The following THTPA variants were observed in gnomAD, a reference collection of about 807,000 sequenced individuals.
The protein encoded by THTPA is thiamine-triphosphatase.
THTPA carries 16 observed loss-of-function variants against 16.5 expected under a neutral mutation model. The observed-to-expected ratio is 0.97, with a 90% CI of 0.66 to 1.47. THTPA has a LOEUF of 1.47. THTPA is among the 40% of genes most tolerant of loss of function. The pLI, the probability that THTPA is intolerant of heterozygous loss-of-function variation, is 0.00. For missense variants in THTPA, 281 were observed against 280.9 expected, an observed-to-expected ratio of 1.00 and a Z score of 0.00; for synonymous variants, 110 against 115.5, an observed-to-expected ratio of 0.95 and a Z score of 0.30.
the THTPA span, among the ~76,000 whole-genome samples, chr14:23,517,781 G>C: frequency 6.6e-6 from 1 of 151,958 alleles, no homozygotes; most frequent in African/African-American, 2.4e-5. Context: ...CCATCCCCCT[G>C]TCCCCTCTTG....
the THTPA span, among the ~76,000 whole-genome samples, chr14:23,549,097 T>C: frequency 1.3e-5 from 2 of 152,198 alleles, no homozygotes; most frequent in Non-Finnish European, 2.9e-5. Context: ...AATTTCATAG[T>C]GCTTTTTCTG....
chr14:23,518,845 C>T, the THTPA span, among the ~76,000 whole-genome samples: 7 of 152,218 alleles, frequency 4.6e-5, no homozygotes, highest in Non-Finnish European at 7.3e-5. This position sits in a 1 kb window ranked among gnomAD's most constrained non-coding sequence, Gnocchi z 4.5. Context: ...ATTGTGCTGA[C>T]TCAGCCTTCT....
At chr14:23,528,258 A>T in the THTPA span, among the ~76,000 whole-genome samples, 1 of 152,188 alleles carries the variant, frequency 6.6e-6, no homozygotes, top group African/African-American at 2.4e-5. Flanking sequence ...GCATTATAGC[A>T]GACCCAGCCT....
the THTPA span, chr14:23,533,675 C>G: frequency 6.5e-6 from 10 of 1,538,154 alleles, no homozygotes; most frequent in Non-Finnish European, 7.0e-6. This position sits in a 1 kb window ranked among gnomAD's most constrained non-coding sequence, Gnocchi z 4.8. Context: ...AGTGATGCCT[C>G]TGGTGGACTT....
the THTPA span, chr14:23,528,742 C>A: frequency 2.0e-6 from 2 of 985,450 alleles, no homozygotes; most frequent in Non-Finnish European, 2.4e-6. Flanking sequence ...CACAGCTCCC[C>A]CAGTGGCCCA....
At chr14:23,553,004 G>A (rs897409915), upstream of THTPA, among the ~76,000 whole-genome samples, 14 of 152,174 alleles carry the variant, frequency 9.2e-5, no homozygotes, top group African/African-American at 3.4e-4. Context: ...CCTCAAGCAT[G>A]AGGTAGATGC....
At chr14:23,532,561 C>G in the THTPA span, 1 of 1,437,076 alleles carries the variant, frequency 7.0e-7, no homozygotes, top group Non-Finnish European at 9.1e-7. Flanking sequence ...CCTGACCCAG[C>G]CTCACCTTAT....
At chr14:23,540,191 A>G in the THTPA span, among the ~76,000 whole-genome samples, 1 of 152,058 alleles carries the variant, frequency 6.6e-6, no homozygotes, top group Non-Finnish European at 1.5e-5. Flanking sequence ...AGGTTTCGCC[A>G]TGTTGCCCAG....
At chr14:23,520,603 CAG>C in the THTPA span, among the ~76,000 whole-genome samples, 1 of 152,188 alleles carries the variant, frequency 6.6e-6, no homozygotes, top group Non-Finnish European at 1.5e-5. This position sits in a 1 kb window ranked among gnomAD's most constrained non-coding sequence, Gnocchi z 8.7. Context: ...ATACCCAACT[CAG>C]GGAGCGGGGA....
At chr14:23,532,571 T>C in the THTPA span, 5 of 1,440,508 alleles carry the variant, frequency 3.5e-6, no homozygotes, top group South Asian at 5.9e-5. Flanking sequence ...CCTCACCTTA[T>C]AGATTTGGCT....
At chr14:23,519,787 G>A in the THTPA span, among the ~76,000 whole-genome samples, 1 of 152,158 alleles carries the variant, frequency 6.6e-6, no homozygotes, top group Admixed American at 6.5e-5. Context: ...GTATTAACAT[G>A]TTCACAGAGT....
chr14:23,531,681 A>T, the THTPA span: 5 of 1,414,692 alleles, frequency 3.5e-6, no homozygotes, highest in Admixed American at 5.1e-5. Flanking sequence ...GTATAGCCCC[A>T]GCTCTGCCCC....
chr14:23,556,558 A>T lies in THTPA; in HGVS notation c.-200A>T. The T allele has an allele frequency of 3.3e-6, 2 of 609,380 alleles. No individual in the cohort carries two copies. Among genetic ancestry groups the T allele is most frequent in the Non-Finnish European group, 5.7e-6 (2 of 351,140 alleles). The allele number at this position is 609,380 out of a possible 1,614,324, so 37.7% of individuals were successfully genotyped here. A position where few individuals can be genotyped will look rare whatever the true frequency, so the allele number is the denominator to read the frequency against. ...GGAGACCTGTCACTGTCAGAGCCTT[A>T]AAATATCACCGACGGGGCCTTAATG... On this transcript the variant is annotated 5_prime_UTR_variant, in exon 1 of 2. Coordinates refer to ENST00000288014, the MANE Select transcript of THTPA (RefSeq NM_024328.6).
chr14:23,557,925 C>G (rs965594207), intron 1 of THTPA, among the ~76,000 whole-genome samples: 9 of 152,218 alleles, frequency 5.9e-5, no homozygotes, highest in Non-Finnish European at 1.2e-4. Flanking sequence ...TTTACAATTA[C>G]CTAGATCCTT....
At chr14:23,532,835 C>T in the THTPA span, 1 of 1,536,544 alleles carries the variant, frequency 6.5e-7, no homozygotes, top group Non-Finnish European at 8.7e-7. Flanking sequence ...GGTGCCATAG[C>T]AGCAAAGCTT....
At chr14:23,532,610 T>C in the THTPA span, 1 of 1,453,650 alleles carries the variant, frequency 6.9e-7, no homozygotes, top group Non-Finnish European at 9.0e-7. Flanking sequence ...ACCCCTGGCA[T>C]GCAGCTGCAT....
chr14:23,549,910 A>G, the THTPA span, among the ~76,000 whole-genome samples: 1 of 152,210 alleles, frequency 6.6e-6, no homozygotes, highest in Non-Finnish European at 1.5e-5. Context: ...AAGAAACTAG[A>G]AACTTAGGGT....
chr14:23,526,333 C>A, the THTPA span: 1 of 1,536,274 alleles, frequency 6.5e-7, no homozygotes, highest in Non-Finnish European at 8.7e-7. Flanking sequence ...ACAGAATATT[C>A]TTCTGGGTGA....
chr14:23,515,343 A>C, the THTPA span, among the ~76,000 whole-genome samples: 1 of 152,240 alleles, frequency 6.6e-6, no homozygotes, highest in South Asian at 2.1e-4. Context: ...TAATAGTCCT[A>C]GAAAGATGGA....
Sources: gnomAD v4.1 joint callset for allele counts (sites outside exome capture counted in the v4.1 genomes callset) on GRCh38, gnomAD v4.1.1 for gene constraint, Gnocchi (gnomAD v3.1) non-coding constraint, MANE v1.5 for transcripts, NCBI Gene and HGNC (gene_info 2026-07-23, HGNC 2026-07-21) for gene names.